EYS: variants seen among roughly 807,000 people sequenced by gnomAD.
EYS encodes protein eyes shut homolog.
Under a neutral mutation model 282.1 loss-of-function variants are expected in EYS, and 250 were observed. The ratio of observed to expected loss-of-function variants is 0.89; its 90% CI spans 0.80 to 0.98. EYS has a LOEUF of 0.98. EYS is among the 50% of genes least tolerant of loss of function. The pLI is 0.00. For missense variants in EYS, 4,016 were observed against 3,709.0 expected (o/e 1.08, Z -2.15); for synonymous variants, 1,355 against 1,282.9 (o/e 1.06, Z -1.20).
intron 5 of EYS, among the ~76,000 whole-genome samples, chr6:65,476,922 A>C (rs1365961705): frequency 5.3e-5 from 8 of 152,198 alleles, no homozygotes; most frequent in African/African-American, 1.7e-4. Context: ...TGGGTTATTA[A>C]GGTAAGCCTG....
At chr6:65,102,955 G>A (rs909261068) in intron 12 of EYS, among the ~76,000 whole-genome samples, 1 of 151,386 alleles carries the variant, frequency 6.6e-6, no homozygotes, top group African/African-American at 2.4e-5. Context: ...ACAAAAGTGT[G>A]TGGTTTAAAC....
At chr6:65,619,898 T>A (rs1308564883) in intron 2 of EYS, among the ~76,000 whole-genome samples, 1 of 151,164 alleles carries the variant, frequency 6.6e-6, no homozygotes, top group East Asian at 1.9e-4. Flanking sequence ...ATCCCAGGGA[T>A]GAAGCCCACT....
chr6:63,937,368 T>C (rs1765096100), intron 35 of EYS, among the ~76,000 whole-genome samples: 2 of 60,998 alleles, frequency 3.3e-5, no homozygotes, highest in Non-Finnish European at 6.3e-5. Flanking sequence ...TTTTTTTTTT[T>C]TTTTTTTTTT....
intron 12 of EYS, among the ~76,000 whole-genome samples, chr6:65,094,467 A>G (rs1001062557): frequency 6.6e-6 from 1 of 151,452 alleles, no homozygotes; most frequent in Non-Finnish European, 1.5e-5. Flanking sequence ...AACAGATCAC[A>G]ATTGAGGCCA....
chr6:64,943,323 A>C (rs1403982865), intron 15 of EYS, among the ~76,000 whole-genome samples: 1 of 152,068 alleles, frequency 6.6e-6, no homozygotes, highest in African/African-American at 2.4e-5. Context: ...TCTATTCAAC[A>C]CAGTACCGGA....
chr6:64,789,697 T>C (rs1401353487), intron 22 of EYS, among the ~76,000 whole-genome samples: 1 of 152,088 alleles, frequency 6.6e-6, no homozygotes, highest in African/African-American at 2.4e-5. Context: ...TCCTGTGCTC[T>C]AACCTCAAGA....
intron 21 of EYS, among the ~76,000 whole-genome samples, chr6:64,814,622 A>G (rs114363169): frequency 2.9e-4 from 44 of 152,200 alleles, no homozygotes; most frequent in African/African-American, 1.0e-3. Context: ...ATGTCATAGT[A>G]CCACAAACAT....
At chr6:65,398,518 G>GA (rs34453042) in intron 7 of EYS, among the ~76,000 whole-genome samples, 4 of 150,464 alleles carry the variant, frequency 2.7e-5, no homozygotes, top group African/African-American at 4.9e-5. Context: ...AAAAATCCTA[G>GA]AAAAAAAAAC....
chr6:64,515,925 G>A (rs779653397), intron 26 of EYS, among the ~76,000 whole-genome samples: 7 of 151,802 alleles, frequency 4.6e-5, no homozygotes, highest in Non-Finnish European at 8.8e-5. Context: ...CGAACTTTAA[G>A]TAATTCCCAT....
At chr6:65,269,877 A>G (rs1767851390) in intron 12 of EYS, among the ~76,000 whole-genome samples, 1 of 152,130 alleles carries the variant, frequency 6.6e-6, no homozygotes, top group South Asian at 2.1e-4. Flanking sequence ...ACCTCCAAAT[A>G]TCCTTACATT....
chr6:65,569,199 A>G (rs1473712280), intron 2 of EYS, among the ~76,000 whole-genome samples: 10 of 151,784 alleles, frequency 6.6e-5, no homozygotes, highest in Admixed American at 2.0e-4. Flanking sequence ...AAGCTCCCCC[A>G]CTGAGCACCT....
At chr6:63,831,653 T>C (rs1771641766) in intron 36 of EYS, among the ~76,000 whole-genome samples, 1 of 152,082 alleles carries the variant, frequency 6.6e-6, no homozygotes, top group South Asian at 2.1e-4. Context: ...ATTAGACAGA[T>C]CAAAGAGACA....
At chr6:63,810,456 C>T (rs1384770974) in intron 36 of EYS, among the ~76,000 whole-genome samples, 4 of 152,070 alleles carry the variant, frequency 2.6e-5, no homozygotes, top group African/African-American at 4.8e-5. Context: ...TTCAACTCTG[C>T]AGTGATGCAT....
chr6:64,361,028 C>T (rs1338006788), intron 29 of EYS, among the ~76,000 whole-genome samples: 1 of 151,698 alleles, frequency 6.6e-6, no homozygotes, highest in Non-Finnish European at 1.5e-5. Flanking sequence ...CAGGGAGAAA[C>T]AAACATGCTG....
chr6:64,564,261 T>C (rs561744619), intron 26 of EYS, among the ~76,000 whole-genome samples: 130 of 131,968 alleles, frequency 9.9e-4, no homozygotes, highest in African/African-American at 3.6e-3. Flanking sequence ...AACACGTATC[T>C]TTTGTCCTTT....
At chr6:65,033,706 A>T (rs1024458782) in intron 13 of EYS, among the ~76,000 whole-genome samples, 2 of 152,202 alleles carry the variant, frequency 1.3e-5, no homozygotes, top group Non-Finnish European at 2.9e-5. Context: ...GCTCAGGTAG[A>T]AGCCTGTTGC....
rs1774398000 is a variant in EYS at position 64,797,604 on chromosome 6, C to A, written c.3443+15774G>T. ...CAAATAAAGCTTATCTCCATTTTTT[C>A]TGAGTTTAGGATTATACTTATAAAA... On this transcript the variant is annotated intron_variant, in intron 22 of 42. Transcript: ENST00000503581. 2.0e-5 allele frequency among the ~76,000 whole-genome samples: 3 copies of A among 151,870 alleles called. No homozygotes were observed. In the South Asian group the frequency reaches 6.2e-4, roughly 31 times the overall value.
At chr6:64,055,471 A>G (rs936120138) in intron 33 of EYS, among the ~76,000 whole-genome samples, 12 of 152,158 alleles carry the variant, frequency 7.9e-5, no homozygotes, top group African/African-American at 2.9e-4. Context: ...TAGTTATACA[A>G]AGAGTGCTTT....
chr6:64,053,636 G>T (rs1770885902), intron 33 of EYS, among the ~76,000 whole-genome samples: 1 of 152,198 alleles, frequency 6.6e-6, no homozygotes, highest in East Asian at 1.9e-4. Flanking sequence ...TTAAATACAG[G>T]TGTAAATAAT....
Sources: gnomAD v4.1 joint callset for allele counts (sites outside exome capture counted in the v4.1 genomes callset) on GRCh38, gnomAD v4.1.1 for gene constraint, MANE v1.5 for transcripts, NCBI Gene and HGNC (gene_info 2026-07-23, HGNC 2026-07-21) for gene names.